Variants in PCDH9 observed in about 807,000 individuals in gnomAD.
The protein encoded by PCDH9 is protocadherin-9.
PCDH9 carries 24 observed loss-of-function variants against 70.6 expected under a neutral mutation model. The ratio of observed to expected loss-of-function variants is 0.34; its 90% CI spans 0.25 to 0.48. PCDH9 has a LOEUF of 0.48. PCDH9 is among the 20% of genes least tolerant of loss of function. PCDH9 has a pLI of 0.99. For synonymous variants in PCDH9, 562 were observed against 558.5 expected, an observed-to-expected ratio of 1.01 and a Z score of -0.09; for missense variants, 1,281 against 1,503.6, an observed-to-expected ratio of 0.85 and a Z score of 2.45.
chr13:66,719,402 T>C (rs2078912513), intron 3 of PCDH9, among the ~76,000 whole-genome samples: 1 of 152,092 alleles, frequency 6.6e-6, no homozygotes, highest in Non-Finnish European at 1.5e-5. Flanking sequence ...TCTGCCCTCA[T>C]GAGTGAGATT....
intron 3 of PCDH9, among the ~76,000 whole-genome samples, chr13:66,730,957 T>TA (rs2079072031): frequency 6.9e-6 from 1 of 145,728 alleles, no homozygotes; most frequent in Non-Finnish European, 1.5e-5. Context: ...CTTCTGGCTT[T>TA]AAGCTATCTT....
intron 2 of PCDH9, among the ~76,000 whole-genome samples, chr13:67,149,372 G>T (rs1012629626): frequency 6.6e-6 from 1 of 152,012 alleles, no homozygotes; most frequent in Non-Finnish European, 1.5e-5. Flanking sequence ...TTTTCTTTAT[G>T]AATTCTTTAT....
chr13:66,655,180 A>C (rs2077911663), intron 3 of PCDH9, among the ~76,000 whole-genome samples: 1 of 152,168 alleles, frequency 6.6e-6, no homozygotes, highest in Admixed American at 6.5e-5. Context: ...AAAGAAAATA[A>C]AGAATCACAG....
intron 4 of PCDH9, among the ~76,000 whole-genome samples, chr13:66,366,690 C>T (rs1458377727): frequency 1.3e-5 from 2 of 151,962 alleles, no homozygotes; most frequent in African/African-American, 2.4e-5. Flanking sequence ...GAGAGCATTT[C>T]GTAGTTCTTA....
chr13:66,614,290 G>A (rs951605778), intron 4 of PCDH9, among the ~76,000 whole-genome samples: 1 of 152,100 alleles, frequency 6.6e-6, no homozygotes, highest in African/African-American at 2.4e-5. Context: ...GAAGAATTGT[G>A]GAAATTAATC....
intron 4 of PCDH9, among the ~76,000 whole-genome samples, chr13:66,539,525 C>T (rs1960853890): frequency 6.6e-6 from 1 of 152,052 alleles, no homozygotes; most frequent in Non-Finnish European, 1.5e-5. Flanking sequence ...CCTTCTGCTG[C>T]CATAATATTG....
chr13:66,916,706 G>A (rs1415812724), intron 2 of PCDH9, among the ~76,000 whole-genome samples: 1 of 151,474 alleles, frequency 6.6e-6, no homozygotes, highest in Non-Finnish European at 1.5e-5. Context: ...TTACCAACCT[G>A]TACTTTGTGT....
intron 3 of PCDH9, among the ~76,000 whole-genome samples, chr13:66,726,271 G>C (rs2079004243): frequency 6.6e-6 from 1 of 152,100 alleles, no homozygotes; most frequent in African/African-American, 2.4e-5. Context: ...GAATTCAGGA[G>C]AAAGAGTCAG....
chr13:67,014,360 C>T (rs1324630079), intron 2 of PCDH9, among the ~76,000 whole-genome samples: 3 of 152,018 alleles, frequency 2.0e-5, no homozygotes, highest in African/African-American at 4.8e-5. Flanking sequence ...TTGCTTTCCT[C>T]GCATAATATC....
At chr13:66,770,304 C>T (rs537211518) in intron 3 of PCDH9, among the ~76,000 whole-genome samples, 29 of 152,218 alleles carry the variant, frequency 1.9e-4, no homozygotes, top group African/African-American at 6.7e-4. Flanking sequence ...TCATAAATTA[C>T]CACTAAAGAA....
At chr13:67,094,665 CTT>C (rs201960584) in intron 2 of PCDH9, among the ~76,000 whole-genome samples, 13 of 143,982 alleles carry the variant, frequency 9.0e-5, no homozygotes, top group East Asian at 4.1e-4. Context: ...GATTCTTCTT[CTT>C]TTTTTTTTTT....
At chr13:66,505,370 A>T (rs367977265) in intron 4 of PCDH9, among the ~76,000 whole-genome samples, 58 of 151,766 alleles carry the variant, frequency 3.8e-4, no homozygotes, top group African/African-American at 1.4e-3. Context: ...GCAAGAGGGC[A>T]TGTAAGGGGG....
intron 4 of PCDH9, among the ~76,000 whole-genome samples, chr13:66,621,426 T>C (rs1208371901): frequency 2.0e-5 from 3 of 152,172 alleles, no homozygotes; most frequent in African/African-American, 7.2e-5. Context: ...AAATAGTCCC[T>C]AGAGATTAAT....
chr13:67,079,998 C>T (rs1594482032), intron 2 of PCDH9, among the ~76,000 whole-genome samples: 2 of 152,134 alleles, frequency 1.3e-5, no homozygotes, highest in East Asian at 3.9e-4. Flanking sequence ...CTTTTTAAGG[C>T]CAAATCAATG....
chr13:67,091,784 T>A (rs1009653196), intron 2 of PCDH9, among the ~76,000 whole-genome samples: 16 of 152,328 alleles, frequency 1.1e-4, no homozygotes, highest in Middle Eastern at 3.4e-3. Flanking sequence ...TAATAGTTCC[T>A]CGGTCATGTC....
intron 4 of PCDH9, among the ~76,000 whole-genome samples, chr13:66,459,786 T>A (rs565835818): frequency 6.6e-6 from 1 of 152,096 alleles, no homozygotes; most frequent in Non-Finnish European, 1.5e-5. Context: ...GCATCTCATA[T>A]CAGATTCTAG....
At chr13:67,001,457 G>GGGT (rs1353266077) in intron 2 of PCDH9, among the ~76,000 whole-genome samples, 15 of 152,208 alleles carry the variant, frequency 9.9e-5, no homozygotes, top group Admixed American at 9.8e-4. Context: ...TAGAAAACAA[G>GGGT]GGTAGAGAGA....
intron 2 of PCDH9, among the ~76,000 whole-genome samples, chr13:66,937,118 A>T (rs1340136592): frequency 6.6e-6 from 1 of 152,228 alleles, no homozygotes; most frequent in African/African-American, 2.4e-5. Context: ...GATTCATGTA[A>T]TAACAAATAC....
intron 2 of PCDH9, among the ~76,000 whole-genome samples, chr13:67,189,207 CGTGTGTGT>C (rs71110636): frequency 2.0e-5 from 3 of 149,494 alleles, no homozygotes; most frequent in African/African-American, 7.4e-5. Flanking sequence ...TACATATATA[CGTGTGTGT>C]GTGTGTGTGT....
Sources: allele counts gnomAD v4.1 joint callset (sites outside exome capture counted in the v4.1 genomes callset), GRCh38; gene constraint gnomAD v4.1.1; transcripts MANE v1.5; gene names NCBI Gene and HGNC (gene_info 2026-07-23, HGNC 2026-07-21).